The following HYLS1 variants were observed in gnomAD, a reference collection of about 807,000 sequenced individuals.
The protein encoded by HYLS1 is HYLS1 centriolar and ciliogenesis associated, also known as centriolar and ciliogenesis-associated protein HYLS1.
HYLS1 carries 25 observed loss-of-function variants against 29.4 expected under a neutral mutation model. The ratio of observed to expected loss-of-function variants is 0.85; its 90% CI spans 0.62 to 1.19. HYLS1 has a LOEUF of 1.19. HYLS1 is among the 50% of genes most tolerant of loss of function. HYLS1 has a pLI of 0.00. For missense variants in HYLS1, 352 were observed against 365.1 expected (o/e 0.96, Z 0.29); for synonymous variants, 128 against 126.7 (o/e 1.01, Z -0.07).
At chr11:125,886,004 T>C (rs1944298805), upstream of HYLS1, among the ~76,000 whole-genome samples, 2 of 152,154 alleles carry the variant, frequency 1.3e-5, no homozygotes, top group Admixed American at 1.3e-4. Flanking sequence ...GTGAGTTGCA[T>C]AATTATTTCA....
At chr11:125,884,983 C>A (rs1164675958), upstream of HYLS1, among the ~76,000 whole-genome samples, 1 of 152,054 alleles carries the variant, frequency 6.6e-6, no homozygotes, top group Non-Finnish European at 1.5e-5. Flanking sequence ...CTGGGAACCA[C>A]AAGCATTATT....
At chr11:125,896,679 T>G (rs1433496698) in intron 2 of HYLS1, among the ~76,000 whole-genome samples, 1 of 152,262 alleles carries the variant, frequency 6.6e-6, no homozygotes, top group Non-Finnish European at 1.5e-5. Flanking sequence ...TCCATTTGAT[T>G]TCTCACTGTA....
chr11:125,899,695 A>G lies in HYLS1; in HGVS notation c.327A>G (p.Val109=). ...LRRKPDGEVL[V]TDESIISESE... ...GAAAGCCAGATGGGGAAGTATTAGT[A>G]ACAGATGAGTCGATTATCAGTGAAT... The change falls in exon 3 of 3, where the codon GTA becomes GTG. Residue 109 remains valine (V), a synonymous_variant. Coordinates refer to ENST00000425380, the MANE Select transcript of HYLS1 (RefSeq NM_001134793.2). The G allele has an allele frequency of 6.2e-7, 1 of 1,614,228 alleles. No individual in the cohort carries two copies. The highest frequency in any genetic ancestry group is 8.5e-7 in the Non-Finnish European group (1 of 1,180,018).
rs1350950082 is a variant in HYLS1, at chr11:125,896,395, AT to A, written c.-25-2948del. ...GTTCCTTTGATGATGTTCTAATGGT[AT>A]ATAAGATTTAATTTAATGCCCAAAG... On this transcript the variant is annotated intron_variant, in intron 2 of 2. Coordinates refer to ENST00000425380, the MANE Select transcript of HYLS1 (RefSeq NM_001134793.2). 4.9e-5 allele frequency: 54 copies of A among 1,092,186 alleles called. No individual in the cohort carries two copies. The East Asian group carries it at 1.3e-3, about 26-fold the overall frequency. 67.7% of individuals were successfully genotyped at this position (1,092,186 alleles called of 1,614,324 possible).
chr11:125,890,471 T>G (rs887855361), intron 1 of HYLS1, among the ~76,000 whole-genome samples: 1 of 152,248 alleles, frequency 6.6e-6, no homozygotes, highest in African/African-American at 2.4e-5. Context: ...TTTAAGCTGC[T>G]TGCTTACCTC....
Position 125,899,734 on chromosome 11 carries a change from A to C in HYLS1, c.366A>C (p.Thr122=). ...ESIISESESG[T]ENDQDLWDLR... ...TTATCAGTGAATCAGAATCTGGTAC[A>C]GAAAATGATCAGGATCTCTGGGACT... The change falls in exon 3 of 3, where the codon ACA becomes ACC. Residue 122 remains threonine, a synonymous_variant. Transcript: ENST00000425380. 1.2e-6 allele frequency: 2 copies of C among 1,614,250 alleles called. No individual in the cohort carries two copies. Among genetic ancestry groups the C allele is most frequent in the Non-Finnish European group, 1.7e-6 (2 of 1,180,022 alleles).
At chr11:125,889,884 T>C (rs1944380541) in intron 1 of HYLS1, among the ~76,000 whole-genome samples, 1 of 152,158 alleles carries the variant, frequency 6.6e-6, no homozygotes, top group Non-Finnish European at 1.5e-5. Flanking sequence ...CAATCTGAAA[T>C]GATGTCTTAA....
At chr11:125,897,457 A>G (rs570015566) in intron 2 of HYLS1, among the ~76,000 whole-genome samples, 43 of 151,908 alleles carry the variant, frequency 2.8e-4, no homozygotes, top group Non-Finnish European at 5.1e-4. Context: ...AAAATAAGTG[A>G]TGGTAAAGTG....
intron 2 of HYLS1, chr11:125,895,644 A>G: frequency 6.2e-7 from 1 of 1,614,246 alleles, no homozygotes; most frequent in African/African-American, 1.3e-5. Flanking sequence ...GGCCCAGGCC[A>G]ATATACGGAT....
In HYLS1 at chr11:125,895,205, T is replaced by C. The variant is rs777030182; in HGVS notation, c.-26+3733T>C. The C allele has an allele frequency of 5.2e-6, 8 of 1,536,124 alleles. No homozygotes were observed. In the South Asian group the frequency reaches 1.0e-4, roughly 20 times the overall value. On this transcript the variant is annotated intron_variant, in intron 2 of 2. Transcript: ENST00000425380. Reference sequence around the variant, plus strand: ...TGGGACTACAGGCATGTGCCATTTATTTTTTATTTTTAACTCACCTATATT... The same window carrying C: ...TGGGACTACAGGCATGTGCCATTTACTTTTTATTTTTAACTCACCTATATT...
Position 125,900,071 on chromosome 11 carries a change from A to G in HYLS1, c.703A>G (p.Lys235Glu), listed in dbSNP as rs1192752063. The change falls in exon 3 of 3, where the codon AAG (lysine) becomes GAG (glutamate). Residue 235 changes from lysine (K) to glutamate (E), a missense_variant. Coordinates refer to ENST00000425380, the MANE Select transcript of HYLS1 (RefSeq NM_001134793.2). The part of the protein sequence containing the change: ...SIRLPGEDHR[K>E]ELRWGVREQM... The stretch of plus-strand genomic sequence containing the variant: ...ACGTTTACCTGGTGAAGATCATAGA[A>G]AGGAATTACGCTGGGGTGTCCGAGA... 1 of 1,614,152 alleles carries G rather than the reference A, an allele frequency of 6.2e-7. No individual in the cohort carries two copies. The highest frequency in any genetic ancestry group is 1.7e-5 in the Admixed American group (1 of 60,016).
chr11:125,887,707 G>A lies in HYLS1; in HGVS notation c.-134G>A, dbSNP rs748428373. On this transcript the variant is annotated 5_prime_UTR_variant, in exon 1 of 3. Coordinates refer to ENST00000425380, the MANE Select transcript of HYLS1 (RefSeq NM_001134793.2). ...AGTTACGCGAAAGCTAACAGAATCT[G>A]CGGTGCTCTGCTGGCGACTGGCAGG... is the stretch of plus-strand genomic sequence containing the variant. The A allele has an allele frequency of 6.6e-5, 10 of 152,316 alleles. No individual in the cohort carries two copies. The highest frequency in any genetic ancestry group is 1.4e-4 in the African/African-American group (6 of 41,482). The allele number at this position is 152,316 out of a possible 1,614,324, so 9.4% of individuals were successfully genotyped here.
At chr11:125,897,605 A>T (rs548624336) in intron 2 of HYLS1, among the ~76,000 whole-genome samples, 1 of 152,182 alleles carries the variant, frequency 6.6e-6, no homozygotes, top group African/African-American at 2.4e-5. Context: ...GCTTATAAAA[A>T]TTTTTTAAAA....
intron 2 of HYLS1, chr11:125,896,197 T>G (rs1944583977): frequency 6.2e-7 from 1 of 1,614,098 alleles, no homozygotes; most frequent in African/African-American, 1.3e-5. Flanking sequence ...GCCTGTTCCT[T>G]TTTAAGTCTT....
intron 2 of HYLS1, chr11:125,895,407 C>G (rs752183515): frequency 1.2e-6 from 2 of 1,614,076 alleles, no homozygotes; most frequent in Admixed American, 1.7e-5. Flanking sequence ...TCTCCCCTCA[C>G]CTGGGCTCTG....
chr11:125,885,829 A>G (rs1944296575), upstream of HYLS1, among the ~76,000 whole-genome samples: 1 of 152,160 alleles, frequency 6.6e-6, no homozygotes, highest in Non-Finnish European at 1.5e-5. Flanking sequence ...AGAGTCTCAC[A>G]AGAGCGTGAA....
In HYLS1 at chr11:125,892,719, A is replaced by G. The variant is rs80328815; in HGVS notation, c.-26+1247A>G. Among the ~76,000 whole-genome samples the G allele has an allele frequency of 4.1e-3, 627 of 152,288 alleles. 5 individuals carry two copies. Among genetic ancestry groups the G allele is most frequent in the African/African-American group, 0.014 (596 of 41,572 alleles). On this transcript the variant is annotated intron_variant, in intron 2 of 2. Transcript: ENST00000425380. ...CATCTATTGCCTCCATTACTCCAGCAGCCCCCTAATTGGTCACAGTGCCTC... is the reference window on the plus strand; with the variant it reads ...CATCTATTGCCTCCATTACTCCAGCGGCCCCCTAATTGGTCACAGTGCCTC...
chr11:125,894,032 C>T lies in HYLS1; in HGVS notation c.-26+2560C>T, dbSNP rs374214672. 1.4e-5 allele frequency: 22 copies of T among 1,614,074 alleles called. No homozygotes were observed. In the African/African-American group the frequency reaches 2.7e-4, roughly 20 times the overall value. On this transcript the variant is annotated intron_variant, in intron 2 of 2. Transcript: ENST00000425380. ...CATCTTCACTCCTTCTACAAAGGCACTGGTCTGCTTTATGACAGAGGGCTT... is the reference window on the plus strand; with the variant it reads ...CATCTTCACTCCTTCTACAAAGGCATTGGTCTGCTTTATGACAGAGGGCTT...
Position 125,895,451 on chromosome 11 carries a change from C to T in HYLS1, c.-25-3893C>T, listed in dbSNP as rs781140167. 9 of 1,614,088 alleles carry T rather than the reference C, an allele frequency of 5.6e-6. No homozygotes were observed. In the Admixed American group the frequency reaches 1.3e-4, roughly 24 times the overall value. ...GCTGTACTTGAGCAGATAGAATAGT[C>T]CTCTGAAAATTAATCACACCGTTGG... On this transcript the variant is annotated intron_variant, in intron 2 of 2. Coordinates refer to ENST00000425380, the MANE Select transcript of HYLS1 (RefSeq NM_001134793.2).
Sources: allele counts gnomAD v4.1 joint callset (sites outside exome capture counted in the v4.1 genomes callset), GRCh38; gene constraint gnomAD v4.1.1; transcripts MANE v1.5; gene names NCBI Gene and HGNC (gene_info 2026-07-23, HGNC 2026-07-21).